The following TSPAN9 variants were observed in gnomAD, a reference collection of about 807,000 sequenced individuals.
TSPAN9 encodes tetraspanin 9, also known as tetraspanin-9.
A neutral mutation model predicts 31.0 loss-of-function variants in TSPAN9; 16 were observed. That is an observed-to-expected ratio of 0.52 (90% CI 0.35 to 0.78). TSPAN9 has a LOEUF of 0.78. TSPAN9 is among the 30% of genes least tolerant of loss of function. The probability of loss-of-function intolerance (pLI) is 0.01; values close to 1 mark genes in which losing one functional copy is unlikely to be tolerated. For synonymous variants in TSPAN9, 145 were observed against 121.6 expected, an observed-to-expected ratio of 1.19 and a Z score of -1.27; for missense variants, 272 against 312.5, an observed-to-expected ratio of 0.87 and a Z score of 0.98.
At chr12:3,128,841 G>C (rs2098328516) in intron 2 of TSPAN9, among the ~76,000 whole-genome samples, 1 of 152,082 alleles carries the variant, frequency 6.6e-6, no homozygotes, top group Non-Finnish European at 1.5e-5. Flanking sequence ...ATACATTATT[G>C]TGCAATCATC....
chr12:3,168,041 C>T lies in TSPAN9; in HGVS notation c.-17-33136C>T, dbSNP rs931900226. 3.3e-5 allele frequency among the ~76,000 whole-genome samples: 5 copies of T among 152,104 alleles called. No individual in the cohort carries two copies. The highest frequency in any genetic ancestry group is 7.4e-5 in the Non-Finnish European group (5 of 68,020). On this transcript the variant is annotated intron_variant, in intron 2 of 8. Coordinates refer to ENST00000011898, the MANE Select transcript of TSPAN9 (RefSeq NM_006675.5). The surrounding 1 kb of genome is among the most constrained non-coding windows in gnomAD (Gnocchi z 4.0). ...AGGCCTTTGTGGATAAAAGCATGTC[C>T]TGGGGTCCAGCGGACAAGCAGCAGC...
At chr12:3,271,862 G>A (rs1001044772) in intron 3 of TSPAN9, among the ~76,000 whole-genome samples, 2 of 152,178 alleles carry the variant, frequency 1.3e-5, no homozygotes, top group African/African-American at 2.4e-5. Context: ...TCCTGGCACC[G>A]ATGTATTGTC....
chr12:3,123,788 C>G (rs2098326189), intron 2 of TSPAN9, among the ~76,000 whole-genome samples: 1 of 152,118 alleles, frequency 6.6e-6, no homozygotes, highest in African/African-American at 2.4e-5. Flanking sequence ...GTCCAAGAGG[C>G]TAGGGAGCTT....
chr12:3,270,352 A>G (rs1047427127), intron 3 of TSPAN9, among the ~76,000 whole-genome samples: 6 of 152,196 alleles, frequency 3.9e-5, no homozygotes, highest in African/African-American at 1.4e-4. Context: ...GTGTGGGGAC[A>G]GCACATGATA....
At chr12:3,215,479 A>C (rs1354063692) in intron 3 of TSPAN9, 1 of 152,250 alleles carries the variant, frequency 6.6e-6, no homozygotes, top group Non-Finnish European at 1.5e-5. Context: ...GCTGATTGGA[A>C]TCAGGATCGC....
At chr12:3,233,168 C>T (rs187092269) in intron 3 of TSPAN9, among the ~76,000 whole-genome samples, 4 of 152,334 alleles carry the variant, frequency 2.6e-5, no homozygotes, top group Non-Finnish European at 4.4e-5. Flanking sequence ...CTTTCTGTCT[C>T]TTTTGGTAGC....
intron 2 of TSPAN9, among the ~76,000 whole-genome samples, chr12:3,094,849 T>C (rs2098307060): frequency 1.6e-5 from 1 of 63,888 alleles, no homozygotes; most frequent in Admixed American, 1.3e-4. Flanking sequence ...TCAATAATCT[T>C]TTTTTTTTTT....
At chr12:3,094,803 G>A (rs144384809) in intron 2 of TSPAN9, among the ~76,000 whole-genome samples, 1,616 of 148,432 alleles carry the variant, frequency 0.011, 22 homozygotes, top group Middle Eastern at 0.032. Flanking sequence ...CCAAAGTACT[G>A]CGATTACAGG....
At chr12:3,228,818 A>G (rs1278838221) in intron 3 of TSPAN9, among the ~76,000 whole-genome samples, 1 of 152,234 alleles carries the variant, frequency 6.6e-6, no homozygotes, top group Non-Finnish European at 1.5e-5. Context: ...TCTGGAGGCC[A>G]GATGTCTGAA....
chr12:3,094,854 T>G, intron 2 of TSPAN9, among the ~76,000 whole-genome samples: 1 of 84,882 alleles, frequency 1.2e-5, no homozygotes, highest in Non-Finnish European at 3.2e-5. Context: ...AATCTTTTTT[T>G]TTTTTTTTTT....
At chr12:3,215,479 A>G (rs1354063692) in intron 3 of TSPAN9, 2 of 152,250 alleles carry the variant, frequency 1.3e-5, no homozygotes, top group African/African-American at 4.8e-5. Flanking sequence ...GCTGATTGGA[A>G]TCAGGATCGC....
chr12:3,253,832 G>C (rs1862298081), intron 3 of TSPAN9, among the ~76,000 whole-genome samples: 1 of 152,210 alleles, frequency 6.6e-6, no homozygotes, highest in African/African-American at 2.4e-5. Flanking sequence ...GGGCCTGGTG[G>C]TGTGCCCTCC....
chr12:3,270,272 G>A (rs1057020612), intron 3 of TSPAN9, among the ~76,000 whole-genome samples: 1 of 152,170 alleles, frequency 6.6e-6, no homozygotes, highest in African/African-American at 2.4e-5. Context: ...GGTATAGATG[G>A]AGGTGCGGGA....
intron 3 of TSPAN9, among the ~76,000 whole-genome samples, chr12:3,228,234 A>C (rs2098388894): frequency 6.6e-6 from 1 of 152,154 alleles, no homozygotes; most frequent in African/African-American, 2.4e-5. Context: ...CACCTGTGGC[A>C]TGCACCTGTA....
At chr12:3,155,845 C>CGAGTTG (rs1488011644) in intron 2 of TSPAN9, among the ~76,000 whole-genome samples, 1 of 152,128 alleles carries the variant, frequency 6.6e-6, no homozygotes, top group Non-Finnish European at 1.5e-5. Context: ...TTGCCAGGGC[C>CGAGTTG]CCCTCTTCCT....
intron 2 of TSPAN9, among the ~76,000 whole-genome samples, chr12:3,098,318 G>T (rs2098310134): frequency 6.6e-6 from 1 of 152,140 alleles, no homozygotes; most frequent in Admixed American, 6.5e-5. Context: ...TTCCAAATTG[G>T]GTCTACCCTT....
chr12:3,158,132 T>C (rs1271784764), intron 2 of TSPAN9, among the ~76,000 whole-genome samples: 4 of 152,202 alleles, frequency 2.6e-5, no homozygotes, highest in African/African-American at 9.7e-5. Context: ...CTAATTGAGA[T>C]AAATCTGAGG....
intron 3 of TSPAN9, among the ~76,000 whole-genome samples, chr12:3,248,447 G>A (rs1862181357): frequency 1.3e-5 from 2 of 152,038 alleles, no homozygotes; most frequent in South Asian, 4.2e-4. Flanking sequence ...TAATGTTCCT[G>A]AACATTACAC....
At chr12:3,165,300 CCT>C (rs1402937261) in intron 2 of TSPAN9, among the ~76,000 whole-genome samples, 1 of 152,174 alleles carries the variant, frequency 6.6e-6, no homozygotes, top group African/African-American at 2.4e-5. Flanking sequence ...CACTGCTCAT[CCT>C]CTCTGTTGGT....
Sources: allele counts gnomAD v4.1 joint callset (sites outside exome capture counted in the v4.1 genomes callset), GRCh38; gene constraint gnomAD v4.1.1; non-coding constraint Gnocchi (gnomAD v3.1); transcripts MANE v1.5; gene names NCBI Gene and HGNC (gene_info 2026-07-23, HGNC 2026-07-21).